The following SLC6A14 variants were observed in gnomAD, a reference collection of about 807,000 sequenced individuals.
SLC6A14 encodes solute carrier family 6 member 14.
SLC6A14 carries 21 observed loss-of-function variants against 51.4 expected under a neutral mutation model. The ratio of observed to expected loss-of-function variants is 0.41; its 90% confidence interval spans 0.29 to 0.59. The LOEUF is 0.59. SLC6A14 is among the 20% of genes least tolerant of loss of function. The probability of loss-of-function intolerance (pLI) is 0.31; values close to 1 mark genes in which losing one functional copy is unlikely to be tolerated. For missense variants in SLC6A14, 371 were observed against 472.8 expected (o/e 0.78, Z 2.00); for synonymous variants, 177 against 160.7 (o/e 1.10, Z -0.77).
rs782192264 is a variant in SLC6A14, at chrX:116,441,110, G to C, written c.346+13G>C. 17 of 1,203,749 alleles carry C rather than the reference G, an allele frequency of 1.4e-5. No individual in the cohort carries two copies. Among genetic ancestry groups the C allele is most frequent in the Admixed American group, 8.8e-5 (4 of 45,340 alleles). On this transcript the variant is annotated intron_variant, in intron 3 of 13. Coordinates refer to ENST00000598581, the MANE Select transcript of SLC6A14 (RefSeq NM_007231.5). Reference sequence around the variant, plus strand: ...CCATTGTTTCAAGGTTGGTATTAAAGCGTTTTCTTGGTATTAAAGCATTTT... The same window carrying C: ...CCATTGTTTCAAGGTTGGTATTAAACCGTTTTCTTGGTATTAAAGCATTTT...
intron 4 of SLC6A14, 127 bp downstream of exon 4, chrX:116,442,975 G>T (rs2147385915): frequency 2.3e-6 from 1 of 431,637 alleles, no homozygotes; most frequent in Admixed American, 5.4e-5. Context: ...GAAAGCAGAA[G>T]ATAGCATATA....
At chrX:116,457,864 T>G (rs1213715434) in intron 13 of SLC6A14, 88 bp downstream of exon 13, 2 of 687,691 alleles carry the variant, frequency 2.9e-6, no homozygotes, top group African/African-American at 4.3e-5. Context: ...TAATATGAGA[T>G]TGTATGAAAT....
chrX:116,451,523 A>G lies in SLC6A14; in HGVS notation c.1012A>G (p.Lys338Glu), dbSNP rs1927823633. ...CTTAGTTGCTCTATCATCTTACAATAAGTTCAAAAACAACTGCTTCTCTGA... is the reference window on the plus strand; with the variant it reads ...CTTAGTTGCTCTATCATCTTACAATGAGTTCAAAAACAACTGCTTCTCTGA... Reference protein sequence around the residue: ...GGLVALSSYNKFKNNCFSDAI... With the variant: ...GGLVALSSYNEFKNNCFSDAI... Residue 338 changes from lysine (K) to glutamate (E), a missense_variant, in exon 8 of 14, where the codon AAG (lysine) becomes GAG (glutamate). Physicochemically the swap from Lys to Glu is moderately conservative, Grantham distance 56. Transcript: ENST00000598581. 8.3e-7 allele frequency: 1 copy of G among 1,208,499 alleles called. No individual in the cohort carries two copies.
At position 116,436,770 on chromosome X, in the gene SLC6A14, G is replaced by A. The variant is rs1927490233; in HGVS notation, c.48+13G>A. The A allele has an allele frequency of 8.6e-7, 1 of 1,160,743 alleles. No individual in the cohort carries two copies. The highest frequency in any genetic ancestry group is 1.2e-6 in the Non-Finnish European group (1 of 869,354). ...CAGGGAGAAGGAGGTAGGGGTCTGG[G>A]AGCTGCGGGAGGTGTGGAGGACCTG... is the stretch of plus-strand genomic sequence containing the variant. On this transcript the variant is annotated intron_variant, in intron 1 of 13. Transcript: ENST00000598581.
In SLC6A14 at chrX:116,454,535, T is replaced by C. The variant is rs1455574702; in HGVS notation, c.1404+93T>C. ...AACCAAAGCTTAAGAGGATGCTTAGTGACAAGTCCAGGTCTGACTTGGATC... is the reference window on the plus strand; with the variant it reads ...AACCAAAGCTTAAGAGGATGCTTAGCGACAAGTCCAGGTCTGACTTGGATC... On this transcript the variant is annotated intron_variant, in intron 10 of 13. Coordinates refer to ENST00000598581, the MANE Select transcript of SLC6A14 (RefSeq NM_007231.5). 5 of 545,644 alleles carry C rather than the reference T, an allele frequency of 9.2e-6. No homozygotes were observed. In the African/African-American group the frequency reaches 9.4e-5, roughly 10 times the overall value. 45.0% of individuals were successfully genotyped at this position (545,644 alleles called of 1,213,427 possible).
chrX:116,445,099 A>G, intron 6 of SLC6A14, 49 bp downstream of exon 6: 1 of 1,096,091 alleles, frequency 9.1e-7, no homozygotes, highest in Non-Finnish European at 1.2e-6. Flanking sequence ...TTCCAATTTC[A>G]TGGTAGTTCA....
intron 7 of SLC6A14, 129 bp downstream of exon 7, chrX:116,447,010 G>T: frequency 2.0e-6 from 1 of 493,590 alleles, no homozygotes; most frequent in Non-Finnish European, 3.2e-6. Context: ...AAATTTATTA[G>T]TTTCTATCCA....
intron 9 of SLC6A14, 128 bp from the exon 10 acceptor site, chrX:116,454,196 C>G: frequency 2.3e-6 from 1 of 430,497 alleles, no homozygotes; most frequent in East Asian, 3.9e-5. Context: ...TTTTTAAAAG[C>G]AGGGAACAGG....
intron 6 of SLC6A14, among the ~76,000 whole-genome samples, chrX:116,445,807 G>A (rs1556693984): frequency 9.0e-6 from 1 of 111,035 alleles, no homozygotes; most frequent in East Asian, 2.8e-4. Flanking sequence ...TTCCCTAAAG[G>A]TGGAGGACAA....
Position 116,455,462 on chromosome X carries a change from T to C in SLC6A14, c.1610T>C (p.Leu537Ser). 1 of 1,127,522 alleles carries C rather than the reference T, an allele frequency of 8.9e-7. No individual in the cohort carries two copies. The highest frequency in any genetic ancestry group is 1.2e-6 in the Non-Finnish European group (1 of 819,342). 92.9% of individuals were successfully genotyped at this position (1,127,522 alleles called of 1,213,427 possible). Residue 537 changes from leucine to serine, a missense_variant, in exon 12 of 14, where the codon TTG (leucine) becomes TCG (serine). This residue lies in a region of SLC6A14 where 277 missense variants were observed against 391.8 expected (regional missense o/e 0.71). Transcript: ENST00000598581. The part of the protein sequence containing the change: ...ACWFVITPIL[L>S]IAIFIWSLVQ... ...TGGTTTGTAATTACGCCTATCCTTT[T>C]GATTGTAAGTAATAATACACCATGA... is the stretch of plus-strand genomic sequence containing the variant.
intron 6 of SLC6A14, among the ~76,000 whole-genome samples, chrX:116,445,900 G>C (rs1209415107): frequency 9.0e-6 from 1 of 111,176 alleles, no homozygotes; most frequent in Non-Finnish European, 1.9e-5. Context: ...GAGACATGCT[G>C]TTACATCACA....
chrX:116,437,704 C>T, intron 1 of SLC6A14, 86 bp from the exon 2 acceptor site: 2 of 937,578 alleles, frequency 2.1e-6, no homozygotes, highest in Non-Finnish European at 2.9e-6. Flanking sequence ...CCCCCATTTT[C>T]TGTTGCTCTA....
chrX:116,440,889 A>G (rs1556693612), intron 2 of SLC6A14, 77 bp from the exon 3 acceptor site: 1 of 1,062,253 alleles, frequency 9.4e-7, no homozygotes, highest in Non-Finnish European at 1.3e-6. Flanking sequence ...ATGCTTTTAA[A>G]GTGTTATGCT....
chrX:116,457,682 T>C lies in SLC6A14; in HGVS notation c.1688T>C (p.Val563Ala). ...GCAATTCCATACCCTGACTGGGGAGTTGCTTTAGGCTGGTGTATGATTGTT... is the reference window on the plus strand; with the variant it reads ...GCAATTCCATACCCTGACTGGGGAGCTGCTTTAGGCTGGTGTATGATTGTT... ...YGAIPYPDWGVALGWCMIVFC... is the reference protein window; with the variant it reads ...YGAIPYPDWGAALGWCMIVFC... The change falls in exon 13 of 14, where the codon GTT (valine) becomes GCT (alanine). Residue 563 changes from valine to alanine, a missense_variant. By Grantham distance (64) the Val-to-Ala change is moderately conservative. Coordinates refer to ENST00000598581, the MANE Select transcript of SLC6A14 (RefSeq NM_007231.5). The C allele has an allele frequency of 8.3e-7, 1 of 1,203,831 alleles. No individual in the cohort carries two copies. The highest frequency in any genetic ancestry group is 1.1e-6 in the Non-Finnish European group (1 of 888,585).
Position 116,436,650 on chromosome X carries a change from C to A in SLC6A14, c.-60C>A. The A allele has an allele frequency of 9.0e-7, 1 of 1,114,348 alleles. No individual in the cohort carries two copies. The highest frequency in any genetic ancestry group is 1.2e-6 in the Non-Finnish European group (1 of 831,217). The allele number at this position is 1,114,348 out of a possible 1,213,427, so 91.8% of individuals were successfully genotyped here. ...GAACAGGGGAGAGTGCACCTGCTACCAGTCAAGCTCAGCCAGACTGCAAGA... is the reference window on the plus strand; with the variant it reads ...GAACAGGGGAGAGTGCACCTGCTACAAGTCAAGCTCAGCCAGACTGCAAGA... On this transcript the variant is annotated 5_prime_UTR_variant, in exon 1 of 14. Transcript: ENST00000598581.
In SLC6A14 at chrX:116,445,065, A is replaced by G. The variant is rs1556693914; in HGVS notation, c.789+15A>G. Reference sequence around the variant, plus strand: ...CGTCTGGCAAGGTAACTTGAAAAACACATTAGATAGCGATATAGCAGCTTT... The same window carrying G: ...CGTCTGGCAAGGTAACTTGAAAAACGCATTAGATAGCGATATAGCAGCTTT... On this transcript the variant is annotated intron_variant, in intron 6 of 13. Coordinates refer to ENST00000598581, the MANE Select transcript of SLC6A14 (RefSeq NM_007231.5). The G allele has an allele frequency of 1.7e-6, 2 of 1,170,361 alleles. No homozygotes were observed. The highest frequency in any genetic ancestry group is 1.1e-6 in the Non-Finnish European group (1 of 875,603).
At position 116,454,292 on chromosome X, in the gene SLC6A14, A is replaced by C. The variant is rs373196599; in HGVS notation, c.1286-32A>C. ...ATTAACAGTATTGGCAAATAAGTTG[A>C]CATATAACATGTCATTTCTCCCCCT... On this transcript the variant is annotated intron_variant, in intron 9 of 13. Coordinates refer to ENST00000598581, the MANE Select transcript of SLC6A14 (RefSeq NM_007231.5). 1.5e-4 allele frequency: 130 copies of C among 867,398 alleles called. No homozygotes were observed. The highest frequency in any genetic ancestry group is 4.8e-4 in the Admixed American group (21 of 43,568). The allele number at this position is 867,398 out of a possible 1,213,427, so 71.5% of individuals were successfully genotyped here. A position where few individuals can be genotyped will look rare whatever the true frequency, so the allele number is the denominator to read the frequency against.
intron 12 of SLC6A14, among the ~76,000 whole-genome samples, chrX:116,456,359 A>C (rs184380928): frequency 1.8e-4 from 20 of 110,376 alleles, no homozygotes; most frequent in African/African-American, 5.6e-4. Flanking sequence ...ACATTATGAG[A>C]TCACTTTCAA....
intron 5 of SLC6A14, 28 bp from the exon 6 acceptor site, chrX:116,444,890 T>A (rs1375680809): frequency 8.3e-7 from 1 of 1,202,714 alleles, no homozygotes; most frequent in East Asian, 3.0e-5. Flanking sequence ...AGTGATTCTG[T>A]GATCATAAAA....
Sources: gnomAD v4.1 joint callset for allele counts (sites outside exome capture counted in the v4.1 genomes callset) on GRCh38, gnomAD v4.1.1 for gene constraint, gnomAD v4.1.1 regional missense constraint, MANE v1.5 for transcripts, NCBI Gene and HGNC (gene_info 2026-07-23, HGNC 2026-07-21) for gene names.